Variants in TRAPPC9 observed in about 807,000 individuals in gnomAD.
TRAPPC9 encodes the protein IKK2 binding protein.
Under a neutral mutation model 124.0 loss-of-function variants are expected in TRAPPC9, and 83 were observed. That is an observed-to-expected ratio of 0.67 (90% CI 0.56 to 0.80). The LOEUF is 0.80. TRAPPC9 is among the 30% of genes least tolerant of loss of function. The pLI is 0.00. For synonymous variants in TRAPPC9, 638 were observed against 617.5 expected, an observed-to-expected ratio of 1.03 and a Z score of -0.49; for missense variants, 1,302 against 1,508.3, an observed-to-expected ratio of 0.86 and a Z score of 2.27.
At chr8:140,367,332 T>C (rs2068144494) in intron 8 of TRAPPC9, among the ~76,000 whole-genome samples, 2 of 152,238 alleles carry the variant, frequency 1.3e-5, no homozygotes, top group South Asian at 2.1e-4. Context: ...TCAACCAAGA[T>C]TCATTAGGTG....
chr8:140,161,710 G>A (rs369339723), intron 17 of TRAPPC9, among the ~76,000 whole-genome samples: 9 of 152,054 alleles, frequency 5.9e-5, no homozygotes, highest in African/African-American at 2.2e-4. Context: ...AGGGATGCCC[G>A]ATCTGCACAA....
In TRAPPC9 at chr8:140,157,469, G is replaced by A. The variant is rs117657873; in HGVS notation, c.2556+63990C>T. ...AGGGAGGAACCAATCCACCCTCAAC[G>A]AATGACGAAATGAGTGCAGGGGTCT... On this transcript the variant is annotated intron_variant, in intron 17 of 22. Coordinates refer to ENST00000438773, the MANE Select transcript of TRAPPC9 (RefSeq NM_001160372.4). Among the ~76,000 whole-genome samples the A allele has an allele frequency of 3.9e-3, 593 of 152,312 alleles. 9 individuals are homozygous for A. In the East Asian group the frequency reaches 0.059, roughly 15 times the overall value.
chr8:140,059,275 C>T (rs1842455266), intron 17 of TRAPPC9, among the ~76,000 whole-genome samples: 1 of 152,168 alleles, frequency 6.6e-6, no homozygotes, highest in Non-Finnish European at 1.5e-5. Context: ...GAAATTCATC[C>T]ACGTTCTTAA....
intron 21 of TRAPPC9, among the ~76,000 whole-genome samples, chr8:139,807,915 G>C (rs977915420): frequency 1.2e-4 from 18 of 152,302 alleles, no homozygotes; most frequent in Admixed American, 2.6e-4. Context: ...AGATGGGCTG[G>C]ACTCATAACA....
At chr8:139,820,396 G>T (rs1825176102) in intron 21 of TRAPPC9, among the ~76,000 whole-genome samples, 1 of 152,060 alleles carries the variant, frequency 6.6e-6, no homozygotes, top group African/African-American at 2.4e-5. Flanking sequence ...GGTCAGGCTG[G>T]ACTCGAACTC....
intron 17 of TRAPPC9, among the ~76,000 whole-genome samples, chr8:140,088,094 C>T (rs1164692238): frequency 2.6e-5 from 4 of 152,070 alleles, no homozygotes; most frequent in Admixed American, 6.6e-5. Flanking sequence ...CTATACAAGC[C>T]TCCCTAGTCC....
intron 21 of TRAPPC9, among the ~76,000 whole-genome samples, chr8:139,849,212 G>A (rs1827293311): frequency 6.6e-6 from 1 of 152,206 alleles, no homozygotes; most frequent in Non-Finnish European, 1.5e-5. Context: ...CACTTAGAGG[G>A]CCACAGCCAG....
chr8:139,892,528 G>T (rs1830414160), intron 20 of TRAPPC9, among the ~76,000 whole-genome samples: 1 of 152,242 alleles, frequency 6.6e-6, no homozygotes, highest in Non-Finnish European at 1.5e-5. Context: ...AGGCCAGAGG[G>T]CTGGCCCTGT....
intron 17 of TRAPPC9, among the ~76,000 whole-genome samples, chr8:140,084,286 A>G (rs1844043301): frequency 6.6e-6 from 1 of 152,192 alleles, no homozygotes; most frequent in South Asian, 2.1e-4. Flanking sequence ...AATCTCTATA[A>G]ATCTAAAACT....
intron 13 of TRAPPC9, among the ~76,000 whole-genome samples, chr8:140,284,766 C>T (rs1177656937): frequency 1.3e-5 from 2 of 152,212 alleles, no homozygotes; most frequent in African/African-American, 4.8e-5. Context: ...GGCACTCCCT[C>T]GTGGGCAAAT....
At chr8:139,735,505 G>C (rs1818099852) in intron 21 of TRAPPC9, among the ~76,000 whole-genome samples, 1 of 152,184 alleles carries the variant, frequency 6.6e-6, no homozygotes, top group South Asian at 2.1e-4. Flanking sequence ...TTCTTGAACA[G>C]TGAACCGAAC....
chr8:140,157,171 T>C (rs1315515753), intron 17 of TRAPPC9, among the ~76,000 whole-genome samples: 26 of 95,446 alleles, frequency 2.7e-4, no homozygotes, highest in Non-Finnish European at 3.7e-4. Flanking sequence ...GCCTCCCTTT[T>C]CCATTCAAAA....
chr8:139,902,399 C>A (rs1047477135), intron 20 of TRAPPC9, among the ~76,000 whole-genome samples: 2 of 152,228 alleles, frequency 1.3e-5, no homozygotes, highest in African/African-American at 2.4e-5. Context: ...GCTGGCAAGG[C>A]AGGACGTCTC....
chr8:140,343,291 C>T (rs1734783859), intron 9 of TRAPPC9, among the ~76,000 whole-genome samples: 1 of 152,228 alleles, frequency 6.6e-6, no homozygotes, highest in Non-Finnish European at 1.5e-5. Context: ...CCAAGGATGA[C>T]TGCTGGGCTG....
At chr8:139,963,711 G>A (rs1360688954) in intron 19 of TRAPPC9, among the ~76,000 whole-genome samples, 9 of 142,662 alleles carry the variant, frequency 6.3e-5, no homozygotes, top group Admixed American at 3.6e-4. Flanking sequence ...AAAGGGCGTC[G>A]GAACCAGTGA....
intron 21 of TRAPPC9, among the ~76,000 whole-genome samples, chr8:139,750,948 C>A (rs1172340971): frequency 6.6e-6 from 1 of 152,202 alleles, no homozygotes; most frequent in Non-Finnish European, 1.5e-5. Context: ...AGAGCCTCCA[C>A]CCTCTGCCAG....
In TRAPPC9 at chr8:140,115,269, G is replaced by GTT. The variant is rs375087383; in HGVS notation, c.2557-91191_2557-91190insAA. Among the ~76,000 whole-genome samples, 152 of 150,598 alleles carry GTT rather than the reference G, an allele frequency of 1.0e-3. 1 individual carries two copies. The highest frequency in any genetic ancestry group is 2.2e-3 in the African/African-American group (89 of 40,842). On this transcript the variant is annotated intron_variant, in intron 17 of 22. Transcript: ENST00000438773. ...GTGCTTTGTAAACAGTTGTTATAAT[G>GTT]GTTTTTTTTTTTTTTTTAGATGGAG...
intron 17 of TRAPPC9, among the ~76,000 whole-genome samples, chr8:140,172,958 G>A (rs780401205): frequency 5.9e-5 from 9 of 152,154 alleles, no homozygotes; most frequent in Non-Finnish European, 1.2e-4. Flanking sequence ...GGAAGATACT[G>A]AAGCTGGTGG....
intron 17 of TRAPPC9, among the ~76,000 whole-genome samples, chr8:140,213,593 T>C (rs2063117306): frequency 6.6e-6 from 1 of 152,092 alleles, no homozygotes; most frequent in Non-Finnish European, 1.5e-5. Flanking sequence ...ACATTTTTTT[T>C]TTCTAATTTC....
Sources: gnomAD v4.1 joint callset for allele counts (sites outside exome capture counted in the v4.1 genomes callset) on GRCh38, gnomAD v4.1.1 for gene constraint, MANE v1.5 for transcripts, NCBI Gene and HGNC (gene_info 2026-07-23, HGNC 2026-07-21) for gene names.